The following DCT variants were observed in gnomAD, a reference collection of about 807,000 sequenced individuals.
DCT encodes dopachrome tautomerase, also known as L-dopachrome tautomerase.
In DCT, 47 loss-of-function variants were observed where a neutral mutation model predicts 53.0. The ratio of observed to expected loss-of-function variants is 0.89; its 90% CI spans 0.70 to 1.13. The LOEUF (loss-of-function observed/expected upper bound fraction) is 1.13, where lower values mean the gene tolerates loss of function less well. Among genes scored for constraint, DCT ranks in the 50% most tolerant of loss-of-function variants. The pLI is 0.00. For missense variants in DCT, 669 were observed against 637.4 expected, an observed-to-expected ratio of 1.05 and a Z score of -0.53; for synonymous variants, 244 against 237.0, an observed-to-expected ratio of 1.03 and a Z score of -0.27.
In DCT at chr13:94,438,534, C is replaced by T. The variant is rs1481636631; in HGVS notation, c.*1364G>A. ...GGGACCTCTTAACACCCATTCTTTA[C>T]ATTCATTCATTCCAGTAGAGAGGGG... On this transcript the variant is annotated 3_prime_UTR_variant, in exon 8 of 8. Coordinates refer to ENST00000377028, the MANE Select transcript of DCT (RefSeq NM_001922.5). The T allele has an allele frequency of 2.2e-6, 1 of 453,036 alleles. No individual in the cohort carries two copies. The allele number at this position is 453,036 out of a possible 1,614,324, so 28.1% of individuals were successfully genotyped here.
At chr13:94,490,504 C>CAAAAAAAAAAAAAAAAAAAAAAAAAA in the DCT span, among the ~76,000 whole-genome samples, 22 of 35,480 alleles carry the variant, frequency 6.2e-4, 1 homozygote, top group African/African-American at 1.4e-3. Flanking sequence ...GACTCGGTCT[C>CAAAAAAAAAAAAAAAAAAAAAAAAAA]AAAAAAAAAA....
chr13:94,513,734 C>T, the DCT span, among the ~76,000 whole-genome samples: 27 of 152,080 alleles, frequency 1.8e-4, 1 homozygote, highest in African/African-American at 6.0e-4. Flanking sequence ...CGCCTGTAAT[C>T]TCAGCACTTT....
chr13:94,477,348 C>T (rs1233192853), intron 1 of DCT, among the ~76,000 whole-genome samples: 5 of 152,182 alleles, frequency 3.3e-5, no homozygotes, highest in Non-Finnish European at 1.5e-5. Flanking sequence ...CCACCCACTT[C>T]AGCCTTCCAA....
chr13:94,500,879 A>G, the DCT span, among the ~76,000 whole-genome samples: 1 of 152,216 alleles, frequency 6.6e-6, no homozygotes, highest in African/African-American at 2.4e-5. Flanking sequence ...GAATAGCACA[A>G]TGCACCACTC....
the DCT span, among the ~76,000 whole-genome samples, chr13:94,489,300 C>A: frequency 4.0e-5 from 6 of 151,870 alleles, no homozygotes; most frequent in Non-Finnish European, 8.8e-5. Flanking sequence ...AGAGTATAAC[C>A]CAGTCAAAAT....
the DCT span, among the ~76,000 whole-genome samples, chr13:94,487,549 G>A: frequency 1.3e-5 from 2 of 152,290 alleles, no homozygotes; most frequent in East Asian, 3.9e-4. Flanking sequence ...TGTGTTCAAA[G>A]GAGGAAGAAA....
Position 94,466,677 on chromosome 13 carries a change from A to G in DCT, c.596-19T>C, listed in dbSNP as rs1369717630. The stretch of plus-strand genomic sequence containing the variant: ...CCTGGTCCTGAAACAATTGGGAAAC[A>G]TATTAGAGATGACAGAATAGAATTT... On this transcript the variant is annotated intron_variant, in intron 2 of 7. Transcript: ENST00000377028. 3 of 1,504,728 alleles carry G rather than the reference A, an allele frequency of 2.0e-6. No individual in the cohort carries two copies. The highest frequency in any genetic ancestry group is 2.4e-5 in the South Asian group (2 of 83,726). The allele number at this position is 1,504,728 out of a possible 1,614,324, so 93.2% of individuals were successfully genotyped here. A position where few individuals can be genotyped will look rare whatever the true frequency, so the allele number is the denominator to read the frequency against.
chr13:94,497,190 C>T, the DCT span, among the ~76,000 whole-genome samples: 3 of 152,150 alleles, frequency 2.0e-5, no homozygotes, highest in Admixed American at 6.5e-5. Context: ...AACCAGATGA[C>T]GGCCTGAATA....
At position 94,439,563 on chromosome 13, in the gene DCT, T is replaced by G; in HGVS notation, c.*335A>C. 1.4e-5 allele frequency: 1 copy of G among 73,590 alleles called. No homozygotes were observed. Among genetic ancestry groups the G allele is most frequent in the Middle Eastern group, 4.8e-3 (1 of 208 alleles). The allele number at this position is 73,590 out of a possible 1,614,324, so 4.6% of individuals were successfully genotyped here. ...TTTAAATGACTCCCCTGGATCAATGTTTTGGGATTTTTTTTGTTTTTTTTT... is the reference window on the plus strand; with the variant it reads ...TTTAAATGACTCCCCTGGATCAATGGTTTGGGATTTTTTTTGTTTTTTTTT... On this transcript the variant is annotated 3_prime_UTR_variant, in exon 8 of 8. Coordinates refer to ENST00000377028, the MANE Select transcript of DCT (RefSeq NM_001922.5).
chr13:94,488,653 T>A, the DCT span, among the ~76,000 whole-genome samples: 1 of 151,354 alleles, frequency 6.6e-6, no homozygotes, highest in Admixed American at 6.6e-5. Context: ...AGGCAGAGGT[T>A]GCAATGAGCT....
the DCT span, among the ~76,000 whole-genome samples, chr13:94,503,901 T>C: frequency 1.3e-5 from 2 of 152,264 alleles, no homozygotes; most frequent in Non-Finnish European, 2.9e-5. Context: ...CTGGCTTTCA[T>C]AACTATTAGA....
At chr13:94,523,814 G>A in the DCT span, among the ~76,000 whole-genome samples, 1 of 151,938 alleles carries the variant, frequency 6.6e-6, no homozygotes, top group Non-Finnish European at 1.5e-5. Context: ...ACAATAGCGT[G>A]CTTAAATTTC....
the DCT span, among the ~76,000 whole-genome samples, chr13:94,523,872 A>C: frequency 6.7e-6 from 1 of 149,346 alleles, no homozygotes; most frequent in East Asian, 2.0e-4. Flanking sequence ...TGAGGACTCC[A>C]TTTTTTTTTT....
chr13:94,476,469 CTTTTTTT>C (rs57154236), intron 1 of DCT, among the ~76,000 whole-genome samples: 2 of 111,054 alleles, frequency 1.8e-5, no homozygotes, highest in Non-Finnish European at 3.6e-5. Flanking sequence ...TTGGCACTTT[CTTTTTTT>C]TTTTTTTTTT....
the DCT span, among the ~76,000 whole-genome samples, chr13:94,545,462 T>G: frequency 6.6e-6 from 1 of 152,140 alleles, no homozygotes; most frequent in South Asian, 2.1e-4. Context: ...AGGAATTGAT[T>G]AATAACTGAC....
At chr13:94,534,973 G>C in the DCT span, among the ~76,000 whole-genome samples, 1 of 152,158 alleles carries the variant, frequency 6.6e-6, no homozygotes, top group Non-Finnish European at 1.5e-5. Context: ...AAACTCCTGG[G>C]TTCAAATTAT....
At chr13:94,478,923 T>C in intron 1 of DCT, 38 bp downstream of exon 1, 1 of 1,562,096 alleles carries the variant, frequency 6.4e-7, no homozygotes, top group Non-Finnish European at 8.7e-7. Flanking sequence ...TTTCCCCAGC[T>C]CTGGCCCTCC....
chr13:94,468,706 A>C, intron 2 of DCT, 40 bp downstream of exon 2: 1 of 1,572,126 alleles, frequency 6.4e-7, no homozygotes, highest in African/African-American at 1.4e-5. Context: ...CCCAATCACA[A>C]ACCTGTAATA....
upstream of DCT, among the ~76,000 whole-genome samples, chr13:94,481,887 C>G (rs1885458397): frequency 1.3e-5 from 2 of 152,222 alleles, no homozygotes; most frequent in African/African-American, 4.8e-5. Flanking sequence ...TCTTCTCTTT[C>G]CCACCTCCCC....
Sources: gnomAD v4.1 joint callset for allele counts (sites outside exome capture counted in the v4.1 genomes callset) on GRCh38, gnomAD v4.1.1 for gene constraint, MANE v1.5 for transcripts, NCBI Gene and HGNC (gene_info 2026-07-23, HGNC 2026-07-21) for gene names.